The following GPSM1 variants were observed in gnomAD, a reference collection of about 807,000 sequenced individuals.
GPSM1 encodes G protein-signaling modulator 1.
Under a neutral mutation model 70.5 loss-of-function variants are expected in GPSM1, and 48 were observed. The observed-to-expected ratio is 0.68, with a 90% confidence interval of 0.54 to 0.87. The LOEUF is 0.87. Ranked by LOEUF, GPSM1 falls within the 40% of genes least tolerant of loss-of-function variation. GPSM1 has a pLI of 0.00. For missense variants in GPSM1, 981 were observed against 972.6 expected (o/e 1.01, Z -0.11); for synonymous variants, 416 against 430.1 (o/e 0.97, Z 0.41).
chr9:136,359,561 G>C lies in GPSM1; in HGVS notation c.*1341G>C, dbSNP rs1832943910. 6.6e-6 allele frequency: 1 copy of C among 152,338 alleles called. No homozygotes were observed. Among genetic ancestry groups the C allele is most frequent in the South Asian group, 2.1e-4 (1 of 4,832 alleles). 9.4% of individuals were successfully genotyped at this position (152,338 alleles called of 1,614,324 possible). A position where few individuals can be genotyped will look rare whatever the true frequency, so the allele number is the denominator to read the frequency against. On this transcript the variant is annotated 3_prime_UTR_variant, in exon 14 of 14. Coordinates refer to ENST00000440944, the MANE Select transcript of GPSM1 (RefSeq NM_001145638.3). ...CCTTTCCAACCCAAGAGGTACATTT[G>C]TTTTTCTGTTTTTCCTGAAAAATAA...
At position 136,336,691 on chromosome 9, in the gene GPSM1, T is replaced by C. The variant is rs1832244979; in HGVS notation, c.427-230T>C. ...GGACAGAGCTGAGGACCTGGCACCC[T>C]GGCCACGCCAATCCGCAGAGGAGGG... On this transcript the variant is annotated intron_variant, in intron 3 of 13. Transcript: ENST00000440944. 3.9e-5 allele frequency among the ~76,000 whole-genome samples: 6 copies of C among 152,272 alleles called. No homozygotes were observed. The South Asian group carries it at 8.3e-4, about 21-fold the overall frequency.
intron 11 of GPSM1, among the ~76,000 whole-genome samples, chr9:136,353,704 C>T (rs1170939048): frequency 6.6e-6 from 1 of 152,214 alleles, no homozygotes; most frequent in Non-Finnish European, 1.5e-5. Context: ...CAGGAGGGAC[C>T]TTGCTCAGTC....
Position 136,358,001 on chromosome 9 carries a change from T to C in GPSM1, c.1822-13T>C. 6.2e-7 allele frequency: 1 copy of C among 1,609,794 alleles called. No homozygotes were observed. The highest frequency in any genetic ancestry group is 2.2e-5 in the East Asian group (1 of 44,852). On this transcript the variant is annotated splice_polypyrimidine_tract_variant and intron_variant, in intron 13 of 13. Transcript: ENST00000440944. Reference sequence around the variant, plus strand: ...GGGGGGGTGAGGCCGCCAACTGCACTGTGTCCACCCAGTCCTCCAGGATCG... The same window carrying C: ...GGGGGGGTGAGGCCGCCAACTGCACCGTGTCCACCCAGTCCTCCAGGATCG...
intron 7 of GPSM1, among the ~76,000 whole-genome samples, chr9:136,339,374 C>T (rs537049221): frequency 2.0e-4 from 31 of 152,386 alleles, no homozygotes; most frequent in South Asian, 1.0e-3. Flanking sequence ...GGAGGCTTGC[C>T]GGCCGCCAGG....
rs1470018516 is a variant in GPSM1 at position 136,353,022 on chromosome 9, C to A, written c.1456-2668C>A. On this transcript the variant is annotated intron_variant, in intron 11 of 13. Coordinates refer to ENST00000440944, the MANE Select transcript of GPSM1 (RefSeq NM_001145638.3). The stretch of plus-strand genomic sequence containing the variant: ...AGGGTCCTATTTAAGCCTCAGGCAT[C>A]CCAGCATTGAGGCAGCACTTGGCAC... 4 of 886,476 alleles carry A rather than the reference C, an allele frequency of 4.5e-6. No individual in the cohort carries two copies. The African/African-American group carries it at 5.4e-5, about 12-fold the overall frequency. The allele number at this position is 886,476 out of a possible 1,614,324, so 54.9% of individuals were successfully genotyped here.
chr9:136,337,552 C>T lies in GPSM1; in HGVS notation c.690C>T (p.Thr230=), dbSNP rs782201115. The T allele has an allele frequency of 9.6e-6, 15 of 1,557,094 alleles. No homozygotes were observed. The highest frequency in any genetic ancestry group is 3.6e-5 in the South Asian group (3 of 84,452). The change falls in exon 5 of 14, where the codon ACC becomes ACT. Residue 230 remains threonine (T), a synonymous_variant. Coordinates refer to ENST00000440944, the MANE Select transcript of GPSM1 (RefSeq NM_001145638.3). ...YLLGNFTEAT[T]FHKERLAIAK... The stretch of plus-strand genomic sequence containing the variant: ...TGGGGAACTTCACAGAGGCCACGAC[C>T]TTCCACAAGGAGGTGAGCCGGGCAG...
intron 11 of GPSM1, chr9:136,352,988 C>A: frequency 1.6e-6 from 1 of 607,196 alleles, no homozygotes; most frequent in Non-Finnish European, 2.1e-6. Context: ...GAGGGCCGAG[C>A]CCTTGCCCAG....
intron 11 of GPSM1, among the ~76,000 whole-genome samples, chr9:136,354,156 C>T (rs1832747894): frequency 6.6e-6 from 1 of 152,208 alleles, no homozygotes; most frequent in Non-Finnish European, 1.5e-5. Flanking sequence ...GGGCCAGAGC[C>T]AGGTGGGGTC....
chr9:136,334,600 C>T lies in GPSM1; in HGVS notation c.222C>T (p.Asn74=), dbSNP rs570860489. The part of the protein sequence containing the change: ...TLSAIYSQLG[N]AYFYLKEHGR... Reference sequence around the variant, plus strand: ...GTGCCATCTACAGCCAGCTGGGCAACGCCTACTTCTACCTGAAGGAGCACG... The same window carrying T: ...GTGCCATCTACAGCCAGCTGGGCAATGCCTACTTCTACCTGAAGGAGCACG... Residue 74 remains asparagine, a synonymous_variant, in exon 2 of 14, where the codon AAC becomes AAT. Coordinates refer to ENST00000440944, the MANE Select transcript of GPSM1 (RefSeq NM_001145638.3). 3.2e-5 allele frequency: 52 copies of T among 1,613,306 alleles called. 1 individual carries two copies. Among genetic ancestry groups the T allele is most frequent in the South Asian group, 2.9e-4 (26 of 91,090 alleles).
rs142814191 is a variant in GPSM1 at position 136,355,713 on chromosome 9, G to A, written c.1479G>A (p.Ser493=). Residue 493 remains serine, a synonymous_variant, in exon 12 of 14, where the codon TCG becomes TCA. Coordinates refer to ENST00000440944, the MANE Select transcript of GPSM1 (RefSeq NM_001145638.3). The part of the protein sequence containing the change: ...PRTSIPRAPS[S]DEECFFDLLT... ...AGAGCATCCCGAGGGCCCCGTCTTC[G>A]GACGAGGAGTGCTTCTTTGACCTGT... 390 of 1,612,286 alleles carry A rather than the reference G, an allele frequency of 2.4e-4. No individual in the cohort carries two copies. Among genetic ancestry groups the A allele is most frequent in the Non-Finnish European group, 3.1e-4 (369 of 1,179,490 alleles).
At position 136,343,490 on chromosome 9, in the gene GPSM1, C is replaced by T. The variant is rs1832444554; in HGVS notation, c.1207+2497C>T. On this transcript the variant is annotated intron_variant, in intron 9 of 13. Transcript: ENST00000440944. The surrounding 1 kb of genome is among the most constrained non-coding windows in gnomAD (Gnocchi z 6.0). ...TCCACCGTCTGGGCCCTGCTCAGGGCGTTGTGAGCACGGTACACAAGAGTT... is the reference window on the plus strand; with the variant it reads ...TCCACCGTCTGGGCCCTGCTCAGGGTGTTGTGAGCACGGTACACAAGAGTT... Among the ~76,000 whole-genome samples, 2 of 152,222 alleles carry T rather than the reference C, an allele frequency of 1.3e-5. No homozygotes were observed. The highest frequency in any genetic ancestry group is 2.9e-5 in the Non-Finnish European group (2 of 68,038).
In GPSM1 at chr9:136,358,159, C is replaced by A; in HGVS notation, c.1967C>A (p.Pro656Gln). The A allele has an allele frequency of 6.3e-7, 1 of 1,597,038 alleles. No individual in the cohort carries two copies. Residue 656 changes from proline (P) to glutamine (Q), a missense_variant, in exon 14 of 14, where the codon CCG becomes CAG. By Grantham distance (76) the Pro-to-Gln change is moderately conservative (BLOSUM62 -1). Transcript: ENST00000440944. ...CAGCGGGTGGACCTCGCCGGGGGCCCGGAGCAGGGGGCAGGCGGCCCGCCC... is the reference window on the plus strand; with the variant it reads ...CAGCGGGTGGACCTCGCCGGGGGCCAGGAGCAGGGGGCAGGCGGCCCGCCC... ...DEQRVDLAGG[P>Q]EQGAGGPPEP...
chr9:136,333,445 G>A (rs1268651858), intron 1 of GPSM1, among the ~76,000 whole-genome samples: 1 of 151,812 alleles, frequency 6.6e-6, no homozygotes, highest in Non-Finnish European at 1.5e-5. Flanking sequence ...CGGCAGCTGA[G>A]TGCCAAGGGC....
intron 4 of GPSM1, 60 bp from the exon 5 acceptor site, chr9:136,337,381 C>A: frequency 6.5e-7 from 1 of 1,550,144 alleles, no homozygotes; most frequent in South Asian, 1.2e-5. Context: ...GCTCTTCTAG[C>A]CTGGGGTGGG....
intron 11 of GPSM1, chr9:136,355,043 GA>G: frequency 1.0e-6 from 1 of 997,068 alleles, no homozygotes; most frequent in Non-Finnish European, 1.2e-6. Context: ...CGTCCTGGGG[GA>G]GGGGTAGCCG....
At chr9:136,331,487 A>G (rs1554768480) in intron 1 of GPSM1, among the ~76,000 whole-genome samples, 1 of 151,798 alleles carries the variant, frequency 6.6e-6, no homozygotes, top group Non-Finnish European at 1.5e-5. Flanking sequence ...GTAGGCGGCC[A>G]GGGGCCACCA....
intron 11 of GPSM1, among the ~76,000 whole-genome samples, chr9:136,353,396 G>A (rs565747276): frequency 6.6e-6 from 1 of 152,296 alleles, no homozygotes; most frequent in African/African-American, 2.4e-5. Flanking sequence ...GGAACCCCGA[G>A]TCCCACTGGA....
chr9:136,354,293 T>C (rs1832751487), intron 11 of GPSM1, among the ~76,000 whole-genome samples: 1 of 152,186 alleles, frequency 6.6e-6, no homozygotes, highest in Non-Finnish European at 1.5e-5. Flanking sequence ...TCCTGTGCCC[T>C]GGGCCGAGTC....
At position 136,341,151 on chromosome 9, in the gene GPSM1, A is replaced by T. The variant is rs1832382027; in HGVS notation, c.1207+158A>T. ...AGTTCTTCTTGGCCTCAGGGACAGC[A>T]CAGGCCTGAGGTTCACCCTGAGCCC... On this transcript the variant is annotated intron_variant, in intron 9 of 13. Coordinates refer to ENST00000440944, the MANE Select transcript of GPSM1 (RefSeq NM_001145638.3). The surrounding 1 kb of genome is among the most constrained non-coding windows in gnomAD (Gnocchi z 6.7). 1 of 1,549,832 alleles carries T rather than the reference A, an allele frequency of 6.5e-7. No homozygotes were observed.
Sources: gnomAD v4.1 joint callset for allele counts (sites outside exome capture counted in the v4.1 genomes callset) on GRCh38, gnomAD v4.1.1 for gene constraint, Gnocchi (gnomAD v3.1) non-coding constraint, MANE v1.5 for transcripts, NCBI Gene and HGNC (gene_info 2026-07-23, HGNC 2026-07-21) for gene names.